MRPL19: variants seen among roughly 807,000 people sequenced by gnomAD.
MRPL19 encodes the protein large ribosomal subunit protein bL19m.
Under a neutral mutation model 34.0 loss-of-function variants are expected in MRPL19, and 31 were observed. The observed-to-expected ratio is 0.91, with a 90% CI of 0.68 to 1.23. The LOEUF is 1.23. Ranked by LOEUF, MRPL19 falls within the 50% of genes most tolerant of loss-of-function variation. MRPL19 has a pLI of 0.00. For missense variants in MRPL19, 384 were observed against 367.6 expected, an observed-to-expected ratio of 1.04 and a Z score of -0.37; for synonymous variants, 152 against 127.7, an observed-to-expected ratio of 1.19 and a Z score of -1.28.
In MRPL19 at chr2:75,646,787, T is replaced by G. The variant is rs1437061421; in HGVS notation, c.-21T>G. The G allele has an allele frequency of 2.7e-6, 4 of 1,483,702 alleles. No individual in the cohort carries two copies. The highest frequency in any genetic ancestry group is 1.4e-5 in the African/African-American group (1 of 70,952). The allele number at this position is 1,483,702 out of a possible 1,614,324, so 91.9% of individuals were successfully genotyped here. ...TCGCACTGATTACTGGGAGCTGTAG[T>G]CTTGACGTGAGCTAGCTGGCATGGC... On this transcript the variant is annotated 5_prime_UTR_variant, in exon 1 of 6. Transcript: ENST00000393909.
rs1173486391 is a variant in MRPL19, at chr2:75,661,443, T to C, written c.*6158T>C. 6.6e-6 allele frequency: 1 copy of C among 152,092 alleles called. No homozygotes were observed. Among genetic ancestry groups the C allele is most frequent in the African/African-American group, 2.4e-5 (1 of 41,366 alleles). The allele number at this position is 152,092 out of a possible 1,614,324, so 9.4% of individuals were successfully genotyped here. ...TCCCAAAGTGCTGCAATTACACGCGTGAACCACCACACCCAGCCCCTGCTT... is the reference window on the plus strand; with the variant it reads ...TCCCAAAGTGCTGCAATTACACGCGCGAACCACCACACCCAGCCCCTGCTT... On this transcript the variant is annotated 3_prime_UTR_variant, in exon 6 of 6. Coordinates refer to ENST00000393909, the MANE Select transcript of MRPL19 (RefSeq NM_014763.4).
rs1435797318 is a variant in MRPL19, at chr2:75,659,116, T to A, written c.*3831T>A. On this transcript the variant is annotated 3_prime_UTR_variant, in exon 6 of 6. Coordinates refer to ENST00000393909, the MANE Select transcript of MRPL19 (RefSeq NM_014763.4). ...TTCCTCTTTATGGCCTTCTTTTCTG[T>A]TTTTTTGTAGTGAACTAGTCTGATT... Among the ~76,000 whole-genome samples the A allele has an allele frequency of 3.3e-5, 5 of 151,026 alleles. No individual in the cohort carries two copies. The highest frequency in any genetic ancestry group is 7.4e-5 in the Non-Finnish European group (5 of 67,276).
chr2:75,646,923 G>T lies in MRPL19; in HGVS notation c.103+13G>T. ...TCTATCGCCTGCAGTAAGTGGAGCC[G>T]GACTTGCGAGCTGGGGCGCGTTAGG... On this transcript the variant is annotated intron_variant, in intron 1 of 5. Transcript: ENST00000393909. 1 of 1,563,708 alleles carries T rather than the reference G, an allele frequency of 6.4e-7. No homozygotes were observed. The highest frequency in any genetic ancestry group is 8.7e-7 in the Non-Finnish European group (1 of 1,155,808).
At chr2:75,653,550 T>C (rs1357858333) in intron 4 of MRPL19, among the ~76,000 whole-genome samples, 1 of 152,258 alleles carries the variant, frequency 6.6e-6, no homozygotes, top group African/African-American at 2.4e-5. Context: ...TAGCTCCCTC[T>C]TGCCATTCTC....
In MRPL19 at chr2:75,649,210, C is replaced by G. The variant is rs187822666; in HGVS notation, c.221+1991C>G. On this transcript the variant is annotated intron_variant, in intron 2 of 5. Transcript: ENST00000393909. ...TGGAAAAAAGTCCTAGTCTGAGAGA[C>G]TAATGACCAAATATGTGTGAAGCTT... 1.2e-3 allele frequency among the ~76,000 whole-genome samples: 178 copies of G among 152,296 alleles called. 1 individual carries two copies. The highest frequency in any genetic ancestry group is 0.01 in the Middle Eastern group (3 of 294).
At chr2:75,650,092 G>GA (rs1223749136) in intron 2 of MRPL19, among the ~76,000 whole-genome samples, 2 of 152,136 alleles carry the variant, frequency 1.3e-5, no homozygotes, top group African/African-American at 4.8e-5. Flanking sequence ...TTGAGGAAGA[G>GA]AAAGAAATTC....
intron 2 of MRPL19, chr2:75,651,298 C>T (rs1678327569): frequency 3.9e-6 from 2 of 517,330 alleles, no homozygotes; most frequent in Non-Finnish European, 7.8e-6. Flanking sequence ...AGCTGTGTCT[C>T]TGGATTTGTA....
Position 75,655,268 on chromosome 2 carries a change from G to A in MRPL19, c.862G>A (p.Ala288Thr). Reference sequence around the variant, plus strand: ...AGCTGCAATATGGAAGGAAATTGAAGCGTCGAAAAGGTCTTGATTCTGAGA... The same window carrying A: ...AGCTGCAATATGGAAGGAAATTGAAACGTCGAAAAGGTCTTGATTCTGAGA... Reference protein sequence around the residue: ...IEAAIWKEIEASKRS With the variant: ...IEAAIWKEIETSKRS The change falls in exon 6 of 6, where the codon GCG (alanine) becomes ACG (threonine). Residue 288 changes from alanine to threonine, a missense_variant. Ala to Thr is a moderately conservative substitution (Grantham distance 58, BLOSUM62 0). Transcript: ENST00000393909. 6.2e-7 allele frequency: 1 copy of A among 1,612,680 alleles called. No individual in the cohort carries two copies. The highest frequency in any genetic ancestry group is 8.5e-7 in the Non-Finnish European group (1 of 1,179,218).
chr2:75,650,047 T>G (rs1238876160), intron 2 of MRPL19, among the ~76,000 whole-genome samples: 8 of 152,150 alleles, frequency 5.3e-5, no homozygotes, highest in Non-Finnish European at 1.2e-4. Flanking sequence ...GTATTACTAT[T>G]TTTTGGTAGG....
In MRPL19 at chr2:75,657,588, CTCTT is replaced by C. The variant is rs574174422; in HGVS notation, c.*2305_*2308del. 37 of 152,258 alleles carry C rather than the reference CTCTT, an allele frequency of 2.4e-4. No individual in the cohort carries two copies. Among genetic ancestry groups the C allele is most frequent in the African/African-American group, 8.7e-4 (36 of 41,564 alleles). The allele number at this position is 152,258 out of a possible 1,614,324, so 9.4% of individuals were successfully genotyped here. On this transcript the variant is annotated 3_prime_UTR_variant, in exon 6 of 6. Transcript: ENST00000393909. ...AGAGCCTATATCTTATATTTTTCTT[CTCTT>C]TATCTTGTTAGAAGATAGCTATTAA... is the stretch of plus-strand genomic sequence containing the variant.
rs1481320938 is a variant in MRPL19 at position 75,655,992 on chromosome 2, G to A, written c.*707G>A. The A allele has an allele frequency of 6.6e-6, 1 of 152,130 alleles. No homozygotes were observed. Among genetic ancestry groups the A allele is most frequent in the Non-Finnish European group, 1.5e-5 (1 of 68,044 alleles). The allele number at this position is 152,130 out of a possible 1,614,324, so 9.4% of individuals were successfully genotyped here. A position where few individuals can be genotyped will look rare whatever the true frequency, so the allele number is the denominator to read the frequency against. ...TCATAGTCTGGCTTCAGCTTCCTCTGAGAGTTTACAGAGGCCAATTTTGAG... is the reference window on the plus strand; with the variant it reads ...TCATAGTCTGGCTTCAGCTTCCTCTAAGAGTTTACAGAGGCCAATTTTGAG... On this transcript the variant is annotated 3_prime_UTR_variant, in exon 6 of 6. Transcript: ENST00000393909.
At chr2:75,653,290 G>T (rs1292625561) in intron 4 of MRPL19, among the ~76,000 whole-genome samples, 3 of 152,188 alleles carry the variant, frequency 2.0e-5, no homozygotes, top group African/African-American at 7.2e-5. Flanking sequence ...GAAAGCAGTT[G>T]CTGTCTTGCT....
chr2:75,651,326 T>G (rs1558719738), intron 2 of MRPL19: 1 of 526,306 alleles, frequency 1.9e-6, no homozygotes, highest in Non-Finnish European at 3.9e-6. Context: ...CCTCGACTTT[T>G]CAGCTCCTAC....
rs1013900637 is a variant in MRPL19 at position 75,647,166 on chromosome 2, G to A, written c.168G>A (p.Pro56=). ...TGPSEPGAFQ[P]PPKPVIVDKH... is the part of the protein sequence containing the mutation. ...CTTCCGAGCCCGGTGCGTTCCAACC[G>A]CCGCCGAAACCGGTCATCGTGGACA... is the stretch of plus-strand genomic sequence containing the variant. Residue 56 remains proline, a synonymous_variant, in exon 2 of 6, where the codon CCG becomes CCA. Coordinates refer to ENST00000393909, the MANE Select transcript of MRPL19 (RefSeq NM_014763.4). 6.3e-7 allele frequency: 1 copy of A among 1,578,784 alleles called. No homozygotes were observed. Among genetic ancestry groups the A allele is most frequent in the South Asian group, 1.2e-5 (1 of 86,230 alleles).
At chr2:75,651,348 G>T in intron 2 of MRPL19, 1 of 530,622 alleles carries the variant, frequency 1.9e-6, no homozygotes, top group East Asian at 5.4e-5. Context: ...CGATTCCTTG[G>T]GGCAGGTGAC....
Position 75,656,844 on chromosome 2 carries a change from C to CT in MRPL19, c.*1562dup, listed in dbSNP as rs1310200829. ...TTGGTTGATGATTTATTCTCTGCTG[C>CT]TTTGTTCTCCCAACTATTATTTGGA... On this transcript the variant is annotated 3_prime_UTR_variant, in exon 6 of 6. Coordinates refer to ENST00000393909, the MANE Select transcript of MRPL19 (RefSeq NM_014763.4). 9 of 152,102 alleles carry CT rather than the reference C, an allele frequency of 5.9e-5. No homozygotes were observed. The highest frequency in any genetic ancestry group is 2.2e-4 in the African/African-American group (9 of 41,410). The allele number at this position is 152,102 out of a possible 1,614,324, so 9.4% of individuals were successfully genotyped here.
chr2:75,654,954 T>C, intron 5 of MRPL19, 37 bp downstream of exon 5: 1 of 1,560,586 alleles, frequency 6.4e-7, no homozygotes, highest in South Asian at 1.2e-5. Context: ...AGTTCAAGTA[T>C]AAAATAAGAA....
At chr2:75,651,940 T>G in intron 2 of MRPL19, 1 of 391,508 alleles carries the variant, frequency 2.6e-6, no homozygotes, top group South Asian at 4.5e-5. Flanking sequence ...TCATAAAGCT[T>G]TTAACAAAAT....
At chr2:75,647,254 G>A (rs1401382249) in intron 2 of MRPL19, 35 bp downstream of exon 2, 1 of 1,547,406 alleles carries the variant, frequency 6.5e-7, no homozygotes, top group South Asian at 1.2e-5. Flanking sequence ...CCGGCAACTG[G>A]GGTCGGTGCG....
Sources: gnomAD v4.1 joint callset for allele counts (sites outside exome capture counted in the v4.1 genomes callset) on GRCh38, gnomAD v4.1.1 for gene constraint, MANE v1.5 for transcripts, NCBI Gene and HGNC (gene_info 2026-07-23, HGNC 2026-07-21) for gene names.